The following PLXDC2 variants were observed in gnomAD, a reference collection of about 807,000 sequenced individuals.
PLXDC2 encodes plexin domain-containing protein 2.
A neutral mutation model predicts 68.9 loss-of-function variants in PLXDC2; 40 were observed. The ratio of observed to expected loss-of-function variants is 0.58; its 90% CI spans 0.45 to 0.76. The LOEUF (loss-of-function observed/expected upper bound fraction) is 0.76. PLXDC2 is among the 30% of genes least tolerant of loss of function. The pLI, the probability that PLXDC2 is intolerant of heterozygous loss-of-function variation, is 0.00. For synonymous variants in PLXDC2, 243 were observed against 234.2 expected (o/e 1.04, Z -0.34); for missense variants, 644 against 661.9 (o/e 0.97, Z 0.30).
chr10:19,833,281 C>T (rs1836728308), intron 1 of PLXDC2, among the ~76,000 whole-genome samples: 2 of 152,200 alleles, frequency 1.3e-5, no homozygotes, highest in African/African-American at 4.8e-5. Context: ...GGGAAAAATT[C>T]AGGCCAATGA....
chr10:20,004,588 G>T (rs1285028771), intron 2 of PLXDC2, among the ~76,000 whole-genome samples: 2 of 152,054 alleles, frequency 1.3e-5, no homozygotes, highest in Non-Finnish European at 2.9e-5. Flanking sequence ...ACTTTGCCAC[G>T]ACAAAATGCA....
At chr10:19,868,240 T>C (rs371574186) in intron 1 of PLXDC2, among the ~76,000 whole-genome samples, 1 of 152,108 alleles carries the variant, frequency 6.6e-6, no homozygotes, top group African/African-American at 2.4e-5. Flanking sequence ...TAATACCCGA[T>C]AGGTAGTTTT....
chr10:20,092,093 T>C (rs1396722342), intron 4 of PLXDC2, among the ~76,000 whole-genome samples: 1 of 152,138 alleles, frequency 6.6e-6, no homozygotes, highest in Non-Finnish European at 1.5e-5. Flanking sequence ...GAACTGAACA[T>C]ATGGACAATT....
chr10:20,019,860 A>T (rs1258663132), intron 2 of PLXDC2, among the ~76,000 whole-genome samples: 1 of 152,122 alleles, frequency 6.6e-6, no homozygotes, highest in Non-Finnish European at 1.5e-5. Flanking sequence ...TATTAAGACT[A>T]TATATGTGGA....
intron 1 of PLXDC2, among the ~76,000 whole-genome samples, chr10:19,890,356 G>C (rs1431953654): frequency 6.6e-6 from 1 of 152,126 alleles, no homozygotes; most frequent in Non-Finnish European, 1.5e-5. Flanking sequence ...CCCAGGTACT[G>C]AGCATAGTAC....
intron 1 of PLXDC2, among the ~76,000 whole-genome samples, chr10:19,968,505 G>A (rs1000090984): frequency 6.6e-6 from 1 of 151,994 alleles, no homozygotes; most frequent in Non-Finnish European, 1.5e-5. Flanking sequence ...TAGAGATGGG[G>A]GTCTCACCTT....
intron 1 of PLXDC2, among the ~76,000 whole-genome samples, chr10:19,896,554 C>T (rs536181115): frequency 6.6e-6 from 1 of 152,120 alleles, no homozygotes; most frequent in African/African-American, 2.4e-5. Flanking sequence ...TTATTAATAT[C>T]GTCATAACAA....
chr10:20,259,143 A>T (rs1419726687), intron 13 of PLXDC2, among the ~76,000 whole-genome samples: 2 of 152,330 alleles, frequency 1.3e-5, no homozygotes, highest in African/African-American at 2.4e-5. Flanking sequence ...CAAGTTAAAA[A>T]ATATATATTA....
At chr10:20,270,671 A>G (rs1023202026) in intron 13 of PLXDC2, among the ~76,000 whole-genome samples, 1 of 151,944 alleles carries the variant, frequency 6.6e-6, no homozygotes, top group Non-Finnish European at 1.5e-5. Flanking sequence ...CAAACTCCCA[A>G]TTAGCTGGGA....
chr10:20,112,107 G>A (rs2460590), intron 4 of PLXDC2, among the ~76,000 whole-genome samples: 54,189 of 151,924 alleles, frequency 0.36, 11,177 homozygotes, highest in Non-Finnish European at 0.48. Context: ...AAGAAGGTCC[G>A]TCTGCAAGTC....
intron 1 of PLXDC2, among the ~76,000 whole-genome samples, chr10:19,954,906 T>C (rs1470451057): frequency 6.6e-6 from 1 of 152,148 alleles, no homozygotes; most frequent in Admixed American, 6.5e-5. Flanking sequence ...CTGTCGTATC[T>C]ATCTGTACAC....
intron 1 of PLXDC2, among the ~76,000 whole-genome samples, chr10:19,818,220 C>CTT (rs967022553): frequency 4.4e-5 from 6 of 136,338 alleles, no homozygotes; most frequent in Non-Finnish European, 9.3e-5. Context: ...TCAATTTGTT[C>CTT]TTTTCTGGTG....
At chr10:20,106,656 A>G (rs1009463456) in intron 4 of PLXDC2, among the ~76,000 whole-genome samples, 1 of 152,136 alleles carries the variant, frequency 6.6e-6, no homozygotes, top group Non-Finnish European at 1.5e-5. Flanking sequence ...AGAGCTGTTC[A>G]TAGTCTGTTT....
At chr10:19,991,982 A>T (rs972848006) in intron 1 of PLXDC2, among the ~76,000 whole-genome samples, 2 of 152,228 alleles carry the variant, frequency 1.3e-5, no homozygotes, top group East Asian at 3.8e-4. Flanking sequence ...AGCCCTCATT[A>T]TAAAATTAGC....
In PLXDC2 at chr10:20,286,180, A is replaced by G. The variant is rs1240003316; in HGVS notation, c.*6361A>G. The G allele has an allele frequency of 6.6e-6, 1 of 152,170 alleles. No individual in the cohort carries two copies. Among genetic ancestry groups the G allele is most frequent in the Non-Finnish European group, 1.5e-5 (1 of 68,030 alleles). The allele number at this position is 152,170 out of a possible 1,614,324, so 9.4% of individuals were successfully genotyped here. A position where few individuals can be genotyped will look rare whatever the true frequency, so the allele number is the denominator to read the frequency against. On this transcript the variant is annotated 3_prime_UTR_variant, in exon 14 of 14. Transcript: ENST00000377252. ...TTGCCTGGAGGAGCAAAATGCTCAA[A>G]ACTTGTTATTATAGGTTAATTTCCA...
intron 13 of PLXDC2, among the ~76,000 whole-genome samples, chr10:20,256,760 A>G (rs930168947): frequency 3.2e-4 from 49 of 151,890 alleles, no homozygotes; most frequent in African/African-American, 1.2e-3. Context: ...CTGAATATGT[A>G]TAAGTTTAAT....
chr10:20,017,300 C>G (rs1364525605), intron 2 of PLXDC2, among the ~76,000 whole-genome samples: 1 of 152,138 alleles, frequency 6.6e-6, no homozygotes, highest in Non-Finnish European at 1.5e-5. Flanking sequence ...GGGAACAAGG[C>G]TGATCAAAAC....
At position 20,039,265 on chromosome 10, in the gene PLXDC2, T is replaced by G. The variant is rs115320977; in HGVS notation, c.325-7604T>G. On this transcript the variant is annotated intron_variant, in intron 2 of 13. Coordinates refer to ENST00000377252, the MANE Select transcript of PLXDC2 (RefSeq NM_032812.9). ...ATTTGGTGATGTTTCTATAAAACAC[T>G]TACAGCAAAAAATCACTTTATAAAG... Among the ~76,000 whole-genome samples the G allele has an allele frequency of 3.9e-3, 598 of 152,290 alleles. 7 individuals are homozygous for G. Among genetic ancestry groups the G allele is most frequent in the African/African-American group, 0.013 (559 of 41,554 alleles).
chr10:20,175,189 A>G (rs996879810), intron 7 of PLXDC2, among the ~76,000 whole-genome samples: 15 of 152,330 alleles, frequency 9.8e-5, no homozygotes, highest in African/African-American at 3.4e-4. Flanking sequence ...AGCATTTACA[A>G]TGTGAAAGGG....
Sources: allele counts gnomAD v4.1 joint callset (sites outside exome capture counted in the v4.1 genomes callset), GRCh38; gene constraint gnomAD v4.1.1; transcripts MANE v1.5; gene names NCBI Gene and HGNC (gene_info 2026-07-23, HGNC 2026-07-21).